Variants in THEMIS observed in about 807,000 individuals in gnomAD.
The protein encoded by THEMIS is protein THEMIS.
A neutral mutation model predicts 52.6 loss-of-function variants in THEMIS; 37 were observed. The ratio of observed to expected loss-of-function variants is 0.70; its 90% CI spans 0.54 to 0.93. The LOEUF (loss-of-function observed/expected upper bound fraction) is 0.93, where lower values mean the gene tolerates loss of function less well. THEMIS is among the 40% of genes least tolerant of loss of function. The pLI, the probability that THEMIS is intolerant of heterozygous loss-of-function variation, is 0.00. For missense variants in THEMIS, 808 were observed against 763.1 expected (o/e 1.06, Z -0.69); for synonymous variants, 292 against 272.7 (o/e 1.07, Z -0.70).
At chr6:127,771,822 A>G (rs918096956) in intron 4 of THEMIS, among the ~76,000 whole-genome samples, 1 of 152,136 alleles carries the variant, frequency 6.6e-6, no homozygotes, top group Non-Finnish European at 1.5e-5. Flanking sequence ...TTATATGAAT[A>G]GCCCTTAGCC....
At chr6:127,719,590 A>G in intron 5 of THEMIS, 98 bp downstream of exon 5, 2 of 1,177,494 alleles carry the variant, frequency 1.7e-6, no homozygotes, top group Non-Finnish European at 2.4e-6. Flanking sequence ...TGAGTCATAT[A>G]TTCCAAATAA....
intron 1 of THEMIS, among the ~76,000 whole-genome samples, chr6:127,910,406 C>T (rs554082369): frequency 6.6e-6 from 1 of 152,050 alleles, no homozygotes; most frequent in South Asian, 2.1e-4. Context: ...TTGCTATAAA[C>T]AGTTACAATC....
At chr6:127,752,397 A>G in intron 4 of THEMIS, among the ~76,000 whole-genome samples, 1 of 150,918 alleles carries the variant, frequency 6.6e-6, no homozygotes, top group African/African-American at 2.4e-5. Context: ...AAATTAGCAA[A>G]CCTTTAGCTA....
At chr6:127,725,904 G>T (rs1441957900) in intron 4 of THEMIS, among the ~76,000 whole-genome samples, 5 of 152,118 alleles carry the variant, frequency 3.3e-5, no homozygotes, top group Non-Finnish European at 7.4e-5. Flanking sequence ...CAGCTCATCA[G>T]AAGCTCATTT....
chr6:127,700,881 C>T, the THEMIS span, among the ~76,000 whole-genome samples: 1 of 151,964 alleles, frequency 6.6e-6, no homozygotes, highest in Admixed American at 6.6e-5. Context: ...ACTACGTATA[C>T]AATCAGAAAT....
chr6:127,781,237 T>C (rs1051963309), intron 4 of THEMIS, among the ~76,000 whole-genome samples: 26 of 151,804 alleles, frequency 1.7e-4, no homozygotes, highest in South Asian at 2.1e-4. Flanking sequence ...GTTTTTCAGC[T>C]CCATCAGGTC....
At chr6:127,917,770 G>A (rs972249520) in intron 1 of THEMIS, among the ~76,000 whole-genome samples, 9 of 152,108 alleles carry the variant, frequency 5.9e-5, no homozygotes, top group Non-Finnish European at 1.0e-4. Context: ...AAGATATACT[G>A]GAAATCAGAA....
chr6:127,914,562 T>C (rs1205198385), intron 1 of THEMIS, among the ~76,000 whole-genome samples: 1 of 152,190 alleles, frequency 6.6e-6, no homozygotes, highest in African/African-American at 2.4e-5. Flanking sequence ...GTATAGCATG[T>C]TACTGTCTGA....
At chr6:127,796,121 A>G (rs1424909134) in intron 4 of THEMIS, among the ~76,000 whole-genome samples, 7 of 152,238 alleles carry the variant, frequency 4.6e-5, no homozygotes, top group Admixed American at 6.5e-5. Flanking sequence ...CCTTTCTAAG[A>G]TTAAAAGTAT....
intron 4 of THEMIS, among the ~76,000 whole-genome samples, chr6:127,779,861 G>T (rs1776685838): frequency 6.6e-6 from 1 of 152,052 alleles, no homozygotes; most frequent in African/African-American, 2.4e-5. Flanking sequence ...TTTCCTAATA[G>T]TTCAAAAATT....
intron 1 of THEMIS, among the ~76,000 whole-genome samples, chr6:127,878,474 T>G (rs1780381812): frequency 6.6e-6 from 1 of 152,192 alleles, no homozygotes; most frequent in Non-Finnish European, 1.5e-5. Context: ...TTTTTACATT[T>G]GGCAAAATTT....
intron 1 of THEMIS, among the ~76,000 whole-genome samples, chr6:127,869,856 C>T (rs1238936899): frequency 6.6e-6 from 1 of 152,156 alleles, no homozygotes; most frequent in Non-Finnish European, 1.5e-5. Flanking sequence ...CCAAACATCA[C>T]AGAAAAACAG....
chr6:127,747,189 TAC>T (rs1775472851), intron 4 of THEMIS, among the ~76,000 whole-genome samples: 1 of 136,242 alleles, frequency 7.3e-6, no homozygotes, highest in Non-Finnish European at 1.5e-5. Context: ...TATCTATAAT[TAC>T]AGATATCTAT....
At chr6:127,700,165 A>C in the THEMIS span, among the ~76,000 whole-genome samples, 11 of 151,858 alleles carry the variant, frequency 7.2e-5, no homozygotes, top group Non-Finnish European at 1.5e-4. Flanking sequence ...AAAGTTAATT[A>C]TTTTCATGTA....
chr6:127,859,554 CAATT>C (rs751070380), intron 1 of THEMIS, among the ~76,000 whole-genome samples: 29 of 152,142 alleles, frequency 1.9e-4, no homozygotes, highest in Non-Finnish European at 4.1e-4. Flanking sequence ...TGTAAAATGA[CAATT>C]AATTGTTGTG....
intron 2 of THEMIS, among the ~76,000 whole-genome samples, chr6:127,843,694 C>T (rs558462370): frequency 7.9e-5 from 12 of 152,006 alleles, no homozygotes; most frequent in African/African-American, 2.9e-4. Flanking sequence ...TCCCAGATTG[C>T]ACTAGCATTG....
intron 4 of THEMIS, among the ~76,000 whole-genome samples, chr6:127,792,461 G>A (rs1465905308): frequency 6.6e-6 from 1 of 152,100 alleles, no homozygotes. Flanking sequence ...TAGAAATACA[G>A]AAAACCATTA....
intron 4 of THEMIS, among the ~76,000 whole-genome samples, chr6:127,724,565 T>C (rs1774472917): frequency 6.6e-6 from 1 of 152,128 alleles, no homozygotes. Context: ...GCATCAGTCC[T>C]CTGTGACCAC....
intron 1 of THEMIS, among the ~76,000 whole-genome samples, chr6:127,869,929 A>G (rs1183245663): frequency 2.6e-5 from 4 of 152,224 alleles, no homozygotes; most frequent in African/African-American, 9.6e-5. Context: ...TAAAGGCTGA[A>G]TAGAGAACTT....
Sources: allele counts gnomAD v4.1 joint callset (sites outside exome capture counted in the v4.1 genomes callset), GRCh38; gene constraint gnomAD v4.1.1; transcripts MANE v1.5; gene names NCBI Gene and HGNC (gene_info 2026-07-23, HGNC 2026-07-21).